The following SHISA9 variants were observed in gnomAD, a reference collection of about 807,000 sequenced individuals.
SHISA9 encodes the protein protein shisa-9.
In SHISA9, 13 loss-of-function variants were observed where a neutral mutation model predicts 38.0. That is an observed-to-expected ratio of 0.34 (90% CI 0.22 to 0.54). The LOEUF is 0.54. SHISA9 is among the 20% of genes least tolerant of loss of function. The pLI is 0.91. For synonymous variants in SHISA9, 275 were observed against 242.0 expected (o/e 1.14, Z -1.27); for missense variants, 538 against 575.8 (o/e 0.93, Z 0.67).
intron 2 of SHISA9, among the ~76,000 whole-genome samples, chr16:12,920,094 G>T (rs561176863): frequency 6.6e-6 from 1 of 151,874 alleles, no homozygotes; most frequent in Non-Finnish European, 1.5e-5. Context: ...AGGGGCTGTG[G>T]CTACAGCCTG....
At chr16:13,449,603 T>C in the SHISA9 span, among the ~76,000 whole-genome samples, 1 of 152,262 alleles carries the variant, frequency 6.6e-6, no homozygotes, top group Middle Eastern at 3.4e-3. Context: ...TGTAGGTAAA[T>C]TTTTCTTCAA....
At chr16:13,098,749 C>T (rs1465512434) in intron 2 of SHISA9, among the ~76,000 whole-genome samples, 3 of 152,202 alleles carry the variant, frequency 2.0e-5, no homozygotes, top group Non-Finnish European at 4.4e-5. Flanking sequence ...AGGAACGGAA[C>T]TCAGAGTTGA....
At chr16:13,379,733 CTCT>C in the SHISA9 span, among the ~76,000 whole-genome samples, 7 of 152,260 alleles carry the variant, frequency 4.6e-5, no homozygotes, top group East Asian at 5.8e-4. Context: ...CGTTCCTTTC[CTCT>C]TCTTCTGTTA....
chr16:13,359,000 A>G, the SHISA9 span, among the ~76,000 whole-genome samples: 2 of 152,212 alleles, frequency 1.3e-5, no homozygotes, highest in East Asian at 3.9e-4. Context: ...CATGAAGCCT[A>G]GAACTTTAAT....
chr16:12,992,980 C>T (rs1366874844), intron 2 of SHISA9, among the ~76,000 whole-genome samples: 13 of 152,204 alleles, frequency 8.5e-5, no homozygotes, highest in Non-Finnish European at 1.6e-4. Context: ...AAACTTCTAG[C>T]GTAGGATTGT....
chr16:13,329,779 A>G, the SHISA9 span, among the ~76,000 whole-genome samples: 2 of 152,104 alleles, frequency 1.3e-5, no homozygotes, highest in Non-Finnish European at 2.9e-5. Flanking sequence ...GAGCTAAATG[A>G]TGGCTTATTG....
chr16:12,989,302 T>G (rs1254388297), intron 2 of SHISA9, among the ~76,000 whole-genome samples: 1 of 151,976 alleles, frequency 6.6e-6, no homozygotes, highest in Non-Finnish European at 1.5e-5. Context: ...CTCAGCCTCC[T>G]GAGTAGCTGG....
chr16:13,151,856 T>TAGG (rs2050502339), intron 2 of SHISA9, among the ~76,000 whole-genome samples: 1 of 152,172 alleles, frequency 6.6e-6, no homozygotes, highest in Non-Finnish European at 1.5e-5. Context: ...AATTTATTCT[T>TAGG]AGGTGAATAA....
the SHISA9 span, among the ~76,000 whole-genome samples, chr16:13,443,640 T>A: frequency 1.3e-4 from 20 of 152,328 alleles, no homozygotes; most frequent in East Asian, 3.7e-3. Context: ...GCCCCTATGT[T>A]TTTATTTAGT....
the SHISA9 span, among the ~76,000 whole-genome samples, chr16:13,519,595 C>T: frequency 1.3e-5 from 2 of 152,150 alleles, no homozygotes. Flanking sequence ...TGTTCTCACA[C>T]TGCTATGAAG....
the SHISA9 span, among the ~76,000 whole-genome samples, chr16:13,562,467 T>C: frequency 3.3e-5 from 5 of 151,724 alleles, no homozygotes; most frequent in African/African-American, 1.2e-4. Context: ...CCATCTCTAC[T>C]AAAAATACAA....
intron 2 of SHISA9, among the ~76,000 whole-genome samples, chr16:13,113,511 A>C (rs2074000518): frequency 6.6e-6 from 1 of 152,216 alleles, no homozygotes; most frequent in Non-Finnish European, 1.5e-5. Flanking sequence ...AGCATCTCTG[A>C]ATTAATTGGC....
chr16:13,470,943 A>G, the SHISA9 span, among the ~76,000 whole-genome samples: 1 of 152,042 alleles, frequency 6.6e-6, no homozygotes, highest in Non-Finnish European at 1.5e-5. Flanking sequence ...AGATTTCAAG[A>G]AACAGAAGTG....
intron 2 of SHISA9, among the ~76,000 whole-genome samples, chr16:13,068,473 C>T (rs574996907): frequency 7.9e-5 from 12 of 152,346 alleles, no homozygotes; most frequent in African/African-American, 2.6e-4. Flanking sequence ...ATTGGGAATA[C>T]TCCTCTTACA....
At chr16:13,552,880 A>C in the SHISA9 span, among the ~76,000 whole-genome samples, 2 of 152,156 alleles carry the variant, frequency 1.3e-5, no homozygotes, top group African/African-American at 4.8e-5. Context: ...AAAGGAGCAA[A>C]AGATGACCAT....
chr16:13,534,047 T>A, the SHISA9 span, among the ~76,000 whole-genome samples: 1 of 151,944 alleles, frequency 6.6e-6, no homozygotes, highest in East Asian at 1.9e-4. Flanking sequence ...CCTCCCAAAG[T>A]GTTGGGATTA....
chr16:13,042,046 G>A (rs1053548591), intron 2 of SHISA9, among the ~76,000 whole-genome samples: 2 of 152,172 alleles, frequency 1.3e-5, no homozygotes, highest in Non-Finnish European at 2.9e-5. Context: ...GGCTAATCAG[G>A]GGGATATTTA....
the SHISA9 span, among the ~76,000 whole-genome samples, chr16:13,376,133 GA>G: frequency 5.9e-5 from 9 of 152,198 alleles, no homozygotes; most frequent in Non-Finnish European, 1.0e-4. Flanking sequence ...CAATGACTCT[GA>G]AAAATTCTGC....
the SHISA9 span, among the ~76,000 whole-genome samples, chr16:13,346,744 T>A: frequency 6.6e-6 from 1 of 152,214 alleles, no homozygotes; most frequent in Non-Finnish European, 1.5e-5. Flanking sequence ...TATTTTATTA[T>A]TTTTATTTCC....
Sources: allele counts gnomAD v4.1 joint callset (sites outside exome capture counted in the v4.1 genomes callset), GRCh38; gene constraint gnomAD v4.1.1; transcripts MANE v1.5; gene names NCBI Gene and HGNC (gene_info 2026-07-23, HGNC 2026-07-21).